Variants in AP1M2 observed in about 807,000 individuals in gnomAD.
The protein encoded by AP1M2 is AP-1 complex subunit mu-2.
Under a neutral mutation model 54.6 loss-of-function variants are expected in AP1M2, and 41 were observed. That is an observed-to-expected ratio of 0.75 (90% CI 0.59 to 0.97). AP1M2 has a LOEUF of 0.97. Ranked by LOEUF, AP1M2 falls within the 50% of genes least tolerant of loss-of-function variation. The pLI, the probability that AP1M2 is intolerant of heterozygous loss-of-function variation, is 0.00. For synonymous variants in AP1M2, 219 were observed against 215.9 expected (o/e 1.01, Z -0.13); for missense variants, 507 against 561.2 (o/e 0.90, Z 0.98).
intron 9 of AP1M2, among the ~76,000 whole-genome samples, chr19:10,575,749 C>CT (rs1219473280): frequency 1.6e-5 from 2 of 124,358 alleles, no homozygotes; most frequent in Non-Finnish European, 1.6e-5. Context: ...TTTCTTTTTT[C>CT]TTTTTTTTTC....
At chr19:10,579,187 T>C (rs906758574) in intron 7 of AP1M2, among the ~76,000 whole-genome samples, 8 of 151,644 alleles carry the variant, frequency 5.3e-5, no homozygotes, top group Non-Finnish European at 1.2e-4. Flanking sequence ...GAGGCCAAGG[T>C]GGGCGGATCA....
chr19:10,576,884 T>G (rs1917252258), intron 9 of AP1M2, among the ~76,000 whole-genome samples: 2 of 151,868 alleles, frequency 1.3e-5, no homozygotes, highest in Admixed American at 6.6e-5. Context: ...TTTTTGTACT[T>G]TTACTAGAGA....
chr19:10,579,800 G>A lies in AP1M2; in HGVS notation c.732C>T (p.Leu244=), dbSNP rs762827525. Residue 244 remains leucine, a synonymous_variant, in exon 7 of 12, where the codon CTC becomes CTT. Transcript: ENST00000250244. ...TGGTGCGGTCGTTGTCAAAGCGAGAGAGCCGCACGCACTGGTGGAATTTTA... is the reference window on the plus strand; with the variant it reads ...TGGTGCGGTCGTTGTCAAAGCGAGAAAGCCGCACGCACTGGTGGAATTTTA... ...EDVKFHQCVR[L]SRFDNDRTIS... is the part of the protein sequence containing the mutation. The A allele has an allele frequency of 1.2e-6, 2 of 1,613,752 alleles. No homozygotes were observed. The highest frequency in any genetic ancestry group is 2.2e-5 in the East Asian group (1 of 44,846).
chr19:10,579,275 A>G (rs566315123), intron 7 of AP1M2, among the ~76,000 whole-genome samples: 49 of 151,778 alleles, frequency 3.2e-4, no homozygotes, highest in Non-Finnish European at 5.4e-4. Flanking sequence ...AATTAGCTGG[A>G]CACGGTGGCA....
chr19:10,576,341 C>A (rs1050322551), intron 9 of AP1M2, among the ~76,000 whole-genome samples: 5 of 147,918 alleles, frequency 3.4e-5, no homozygotes, highest in Admixed American at 1.4e-4. Flanking sequence ...CTGCTCACTG[C>A]AAGCTCCACC....
In AP1M2 at chr19:10,577,423, C is replaced by CTTTTTTTTTTTTTTT. The variant is rs386388547; in HGVS notation, c.889-82_889-68dup. ...TCATCCTTCAAATATTTACCAAGCC[C>CTTTTTTTTTTTTTTT]TTTTTTTTTTTTTTTTTTTTTTTTT... On this transcript the variant is annotated intron_variant, in intron 8 of 11. Coordinates refer to ENST00000250244, the MANE Select transcript of AP1M2 (RefSeq NM_005498.5). 3 of 316,680 alleles carry CTTTTTTTTTTTTTTT rather than the reference C, an allele frequency of 9.5e-6. No individual in the cohort carries two copies. In the African/African-American group the frequency reaches 1.4e-4, roughly 14 times the overall value. The allele number at this position is 316,680 out of a possible 1,614,324, so 19.6% of individuals were successfully genotyped here.
intron 3 of AP1M2, among the ~76,000 whole-genome samples, chr19:10,583,131 C>CTT (rs111410947): frequency 1.1e-3 from 162 of 147,204 alleles, no homozygotes; most frequent in African/African-American, 3.6e-3. Flanking sequence ...TGGCCTTTTT[C>CTT]TTTTTTTTTT....
chr19:10,585,479 A>G (rs566263331), intron 1 of AP1M2, among the ~76,000 whole-genome samples: 1 of 152,162 alleles, frequency 6.6e-6, no homozygotes, highest in East Asian at 1.9e-4. Context: ...CGGGTGGATC[A>G]TGAGGTCAAG....
chr19:10,587,085 G>T, intron 1 of AP1M2, 105 bp downstream of exon 1: 1 of 1,250,782 alleles, frequency 8.0e-7, no homozygotes, highest in Non-Finnish European at 1.1e-6. Flanking sequence ...CAGGGGGAGG[G>T]GGTGTTCCCA....
chr19:10,583,969 C>T lies in AP1M2; in HGVS notation c.144G>A (p.Pro48=), dbSNP rs746599947. 13 of 1,604,030 alleles carry T rather than the reference C, an allele frequency of 8.1e-6. No individual in the cohort carries two copies. The highest frequency in any genetic ancestry group is 5.2e-5 in the Admixed American group (3 of 58,242). The part of the protein sequence containing the change: ...VQREEEGALA[P]LLSHGQVHFL... ...AGTGGACCTGGCCGTGGCTCAGCAGCGGGGCCAGGGCGCCTTCCTCCTCCC... is the reference window on the plus strand; with the variant it reads ...AGTGGACCTGGCCGTGGCTCAGCAGTGGGGCCAGGGCGCCTTCCTCCTCCC... Residue 48 remains proline (P), a synonymous_variant, in exon 2 of 12, where the codon CCG becomes CCA. Coordinates refer to ENST00000250244, the MANE Select transcript of AP1M2 (RefSeq NM_005498.5).
At chr19:10,585,429 T>A (rs926765502) in intron 1 of AP1M2, among the ~76,000 whole-genome samples, 1 of 152,160 alleles carries the variant, frequency 6.6e-6, no homozygotes, top group African/African-American at 2.4e-5. Flanking sequence ...CTGGACACGG[T>A]GGCTCACGCC....
rs1213491170 is a variant in AP1M2, at chr19:10,587,273, G to A, written c.-42C>T. On this transcript the variant is annotated 5_prime_UTR_variant, in exon 1 of 12. Transcript: ENST00000250244. ...CTTAGGAGTCGGGGAGGGAGCGCCG[G>A]GAGGCGATGGCGGCGCCGCTTCCTT... 6.4e-6 allele frequency: 10 copies of A among 1,554,812 alleles called. No homozygotes were observed. The East Asian group carries it at 2.4e-4, about 38-fold the overall frequency.
At position 10,581,568 on chromosome 19, in the gene AP1M2, G is replaced by C; in HGVS notation, c.465C>G (p.Asn155Lys). The change falls in exon 5 of 12, where the codon AAC becomes AAG. Residue 155 changes from asparagine (N) to lysine (K), a missense_variant. By Grantham distance (94) the Asn-to-Lys change is moderately conservative. Transcript: ENST00000250244. ...GKSRVPPTVT[N>K]AVSWRSEGIK... ...TACCCTCGGAGCGCCAGGACACAGC[G>C]TTGGTGACAGTGGGTGGCACCCGTG... 6.2e-7 allele frequency: 1 copy of C among 1,613,820 alleles called. No homozygotes were observed. The highest frequency in any genetic ancestry group is 8.5e-7 in the Non-Finnish European group (1 of 1,179,830).
intron 1 of AP1M2, among the ~76,000 whole-genome samples, chr19:10,584,654 GGGAA>G (rs199907734): frequency 9.4e-4 from 131 of 139,584 alleles, no homozygotes; most frequent in South Asian, 3.7e-3. Flanking sequence ...GAGGGTAGGA[GGGAA>G]GGAAGGAAGG....
At chr19:10,582,578 T>C (rs1467824092) in intron 3 of AP1M2, among the ~76,000 whole-genome samples, 1 of 151,578 alleles carries the variant, frequency 6.6e-6, no homozygotes, top group Non-Finnish European at 1.5e-5. Flanking sequence ...CAAAACCCCG[T>C]CTATACTAAA....
At position 10,580,710 on chromosome 19, in the gene AP1M2, T is replaced by C. The variant is rs574777105; in HGVS notation, c.673+556A>G. On this transcript the variant is annotated intron_variant, in intron 6 of 11. Transcript: ENST00000250244. ...TAAGATGCTGAGCCAGGCACAGTAGTTCACACCTGTAATCCTAGCACTTTG... is the reference window on the plus strand; with the variant it reads ...TAAGATGCTGAGCCAGGCACAGTAGCTCACACCTGTAATCCTAGCACTTTG... Among the ~76,000 whole-genome samples the C allele has an allele frequency of 7.2e-5, 11 of 151,764 alleles. No homozygotes were observed. The South Asian group carries it at 2.3e-3, about 32-fold the overall frequency.
chr19:10,583,571 A>G, intron 3 of AP1M2, 35 bp downstream of exon 3: 1 of 1,521,292 alleles, frequency 6.6e-7, no homozygotes, highest in Non-Finnish European at 9.1e-7. Flanking sequence ...GGATAGACGG[A>G]TAGACCAGTT....
chr19:10,579,014 TC>T (rs373031610), intron 7 of AP1M2, 51 bp from the exon 8 acceptor site: 269 of 1,153,594 alleles, frequency 2.3e-4, no homozygotes, highest in Admixed American at 5.8e-4. Context: ...TTGACTCTCT[TC>T]TTTTTTTTTT....
chr19:10,577,760 G>A (rs1917294965), intron 8 of AP1M2, among the ~76,000 whole-genome samples: 3 of 135,940 alleles, frequency 2.2e-5, no homozygotes, highest in South Asian at 2.4e-4. Context: ...TTTTTTAGAC[G>A]GAGTCTCTCT....
Sources: gnomAD v4.1 joint callset for allele counts (sites outside exome capture counted in the v4.1 genomes callset) on GRCh38, gnomAD v4.1.1 for gene constraint, MANE v1.5 for transcripts, NCBI Gene and HGNC (gene_info 2026-07-23, HGNC 2026-07-21) for gene names.